BRD9: variants seen among roughly 807,000 people sequenced by gnomAD.
BRD9 encodes the protein bromodomain containing 9.
In BRD9, 47 loss-of-function variants were observed where a neutral mutation model predicts 68.7. The ratio of observed to expected loss-of-function variants is 0.68; its 90% CI spans 0.54 to 0.87. The LOEUF is 0.87. Among genes scored for constraint, BRD9 ranks in the 40% least tolerant of loss-of-function variants. The pLI, the probability that BRD9 is intolerant of heterozygous loss-of-function variation, is 0.00. For missense variants in BRD9, 670 were observed against 748.4 expected, an observed-to-expected ratio of 0.90 and a Z score of 1.22; for synonymous variants, 313 against 293.9, an observed-to-expected ratio of 1.06 and a Z score of -0.67.
In BRD9 at chr5:864,155, A is replaced by T. The variant is rs1748997536; in HGVS notation, c.*313T>A. The T allele has an allele frequency of 9.4e-6, 2 of 213,698 alleles. No individual in the cohort carries two copies. The highest frequency in any genetic ancestry group is 1.4e-4 in the South Asian group (2 of 14,116). The allele number at this position is 213,698 out of a possible 1,614,324, so 13.2% of individuals were successfully genotyped here. On this transcript the variant is annotated 3_prime_UTR_variant, in exon 16 of 16. Transcript: ENST00000467963. ...AGGGTTCACGGGGCTGTGTACAGAGACTCTCTCTGCTGACACGATGGCCAC... is the reference window on the plus strand; with the variant it reads ...AGGGTTCACGGGGCTGTGTACAGAGTCTCTCTCTGCTGACACGATGGCCAC...
chr5:891,767 T>C lies in BRD9; in HGVS notation c.140A>G (p.His47Arg). The C allele has an allele frequency of 6.4e-7, 1 of 1,551,706 alleles. No individual in the cohort carries two copies. The highest frequency in any genetic ancestry group is 8.7e-7 in the Non-Finnish European group (1 of 1,147,008). The change falls in exon 2 of 16, where the codon CAC becomes CGC. Residue 47 changes from histidine (H) to arginine (R), a missense_variant. His to Arg is a conservative substitution (Grantham distance 29). Coordinates refer to ENST00000467963, the MANE Select transcript of BRD9 (RefSeq NM_023924.5). ...SEVTELSGSG[H>R]DSSYYDDRSD... ...CCTGTCATCATAGTAACTGGAGTCG[T>C]GGCCGGATCCTGAGAGTTCAGTCAC...
intron 1 of BRD9, 31 bp downstream of exon 1, chr5:892,575 C>A: frequency 2.6e-6 from 4 of 1,532,950 alleles, no homozygotes; most frequent in Non-Finnish European, 3.5e-6. Flanking sequence ...GGACCCCGCC[C>A]GCCGCGCGTC....
intron 5 of BRD9, among the ~76,000 whole-genome samples, chr5:888,586 A>G (rs1436000772): frequency 2.0e-5 from 3 of 152,274 alleles, no homozygotes; most frequent in Non-Finnish European, 4.4e-5. Context: ...AGTAGCAAGA[A>G]ACAGAGCTAA....
intron 14 of BRD9, among the ~76,000 whole-genome samples, chr5:866,711 AGAT>A (rs1326107686): frequency 2.0e-4 from 30 of 152,286 alleles, no homozygotes; most frequent in African/African-American, 6.7e-4. Context: ...AACTTGAGAG[AGAT>A]GATTTAGGGC....
At chr5:891,110 G>C (rs1273285902) in intron 3 of BRD9, 45 bp downstream of exon 3, 4 of 1,504,398 alleles carry the variant, frequency 2.7e-6, no homozygotes, top group South Asian at 2.6e-5. Flanking sequence ...CATTTACAAC[G>C]ATGAGCTGTG....
chr5:879,334 CAGGAGCAGT>C, intron 10 of BRD9: 1 of 3,868 alleles, frequency 2.6e-4, no homozygotes, highest in Non-Finnish European at 4.7e-4. Flanking sequence ...AAAGGGCCGG[CAGGAGCAGT>C]GTCCATGCAG....
chr5:877,514 G>A (rs1751128011), intron 11 of BRD9, among the ~76,000 whole-genome samples: 1 of 152,208 alleles, frequency 6.6e-6, no homozygotes, highest in African/African-American at 2.4e-5. Context: ...ATGTCAAGAT[G>A]CCATTTCTTA....
chr5:883,134 C>A (rs1752042876), intron 8 of BRD9: 1 of 364,222 alleles, frequency 2.7e-6, no homozygotes, highest in African/African-American at 2.3e-5. Flanking sequence ...GCAAGCCACA[C>A]AGAGCACTGC....
At chr5:886,291 G>T (rs1752551154) in intron 7 of BRD9, among the ~76,000 whole-genome samples, 1 of 152,254 alleles carries the variant, frequency 6.6e-6, no homozygotes, top group African/African-American at 2.4e-5. Flanking sequence ...GCGCTGTGCA[G>T]GGGAGGGAGG....
At chr5:890,026 A>G in intron 3 of BRD9, 1 of 342,570 alleles carries the variant, frequency 2.9e-6, no homozygotes, top group South Asian at 2.3e-5. Context: ...AGGTCCCTTA[A>G]AATTCAACAA....
rs548061861 is a variant in BRD9 at position 888,964 on chromosome 5, A to C, written c.606+57T>G. The C allele has an allele frequency of 4.5e-6, 7 of 1,543,898 alleles. No individual in the cohort carries two copies. The South Asian group carries it at 7.3e-5, about 16-fold the overall frequency. ...GATCTAAGGTGAATGAAGTCTTCAC[A>C]AGACATGAATACACAGAACTATGCC... On this transcript the variant is annotated intron_variant, in intron 5 of 15. Coordinates refer to ENST00000467963, the MANE Select transcript of BRD9 (RefSeq NM_023924.5).
Position 865,298 on chromosome 5 carries a change from C to T in BRD9, c.1693+116G>A. The T allele has an allele frequency of 4.4e-6, 6 of 1,354,938 alleles. No individual in the cohort carries two copies. In the South Asian group the frequency reaches 7.3e-5, roughly 16 times the overall value. 83.9% of individuals were successfully genotyped at this position (1,354,938 alleles called of 1,614,324 possible). On this transcript the variant is annotated intron_variant, in intron 15 of 15. Transcript: ENST00000467963. Reference sequence around the variant, plus strand: ...GAAACCGACCTCCACAACAGCACCGCTGCCCATGCAGCCTCCAGCCTTCCC... The same window carrying T: ...GAAACCGACCTCCACAACAGCACCGTTGCCCATGCAGCCTCCAGCCTTCCC...
chr5:890,428 G>C (rs1238117718), intron 3 of BRD9, among the ~76,000 whole-genome samples: 1 of 152,196 alleles, frequency 6.6e-6, no homozygotes, highest in African/African-American at 2.4e-5. Flanking sequence ...GCTGGGAAGA[G>C]ACACCCCTTG....
At chr5:887,650 A>G (rs541622763) in intron 5 of BRD9, among the ~76,000 whole-genome samples, 179 bp from the exon 6 acceptor site, 1 of 152,344 alleles carries the variant, frequency 6.6e-6, no homozygotes, top group African/African-American at 2.4e-5. Flanking sequence ...TTAGTTGCAC[A>G]TTGGTCTTGC....
chr5:872,360 G>A (rs1339074254), intron 12 of BRD9, among the ~76,000 whole-genome samples: 3 of 152,218 alleles, frequency 2.0e-5, no homozygotes, highest in East Asian at 1.9e-4. Context: ...CTGCGGGGGT[G>A]CACTCGGGGT....
intron 7 of BRD9, among the ~76,000 whole-genome samples, chr5:884,574 G>A (rs1249586824): frequency 2.0e-5 from 3 of 152,272 alleles, no homozygotes; most frequent in African/African-American, 7.2e-5. Context: ...AGTGGTCCCA[G>A]GTTCCACCTG....
intron 13 of BRD9, among the ~76,000 whole-genome samples, chr5:871,233 T>C (rs41283149): frequency 0.12 from 17,533 of 152,230 alleles, 1,831 homozygotes; most frequent in African/African-American, 0.28. Flanking sequence ...AAGCAGGTCC[T>C]GAGAAGGCCC....
At chr5:888,902 A>T in intron 5 of BRD9, 119 bp downstream of exon 5, 1 of 1,060,806 alleles carries the variant, frequency 9.4e-7, no homozygotes, top group South Asian at 1.8e-5. Context: ...CATCATCCGA[A>T]CACAGAAACA....
intron 1 of BRD9, chr5:892,369 T>A (rs886125204): frequency 1.6e-5 from 15 of 938,766 alleles, no homozygotes; most frequent in East Asian, 3.2e-5. Flanking sequence ...CCGGGGTGAG[T>A]GGGCTTGCAG....
Sources: gnomAD v4.1 joint callset for allele counts (sites outside exome capture counted in the v4.1 genomes callset) on GRCh38, gnomAD v4.1.1 for gene constraint, MANE v1.5 for transcripts, NCBI Gene and HGNC (gene_info 2026-07-23, HGNC 2026-07-21) for gene names.